The following LGSN variants were observed in gnomAD, a reference collection of about 807,000 sequenced individuals.
LGSN encodes lengsin.
LGSN carries 21 observed loss-of-function variants against 19.5 expected under a neutral mutation model. That is an observed-to-expected ratio of 1.07 (90% CI 0.76 to 1.55). The LOEUF (loss-of-function observed/expected upper bound fraction) is 1.55. Ranked by LOEUF, LGSN falls within the 40% of genes most tolerant of loss-of-function variation. The probability of loss-of-function intolerance (pLI) is 0.00; values close to 1 mark genes in which losing one functional copy is unlikely to be tolerated. For synonymous variants in LGSN, 257 were observed against 215.6 expected (o/e 1.19, Z -1.68); for missense variants, 673 against 608.5 (o/e 1.11, Z -1.12).
chr6:63,479,325 T>C, the LGSN span, among the ~76,000 whole-genome samples: 1 of 151,996 alleles, frequency 6.6e-6, no homozygotes, highest in Non-Finnish European at 1.5e-5. Context: ...CTATAATTTT[T>C]CTGGCCTATC....
At chr6:63,518,169 A>G in the LGSN span, among the ~76,000 whole-genome samples, 1 of 152,018 alleles carries the variant, frequency 6.6e-6, no homozygotes, top group African/African-American at 2.4e-5. Flanking sequence ...AAAAAAAAAA[A>G]AAAAATCTCA....
the LGSN span, chr6:63,548,789 A>G: frequency 8.3e-6 from 6 of 726,780 alleles, no homozygotes; most frequent in Non-Finnish European, 1.5e-5. Context: ...GACCCAGGAC[A>G]TTGCCTCCCC....
chr6:63,405,507 GTGAGATGGTATCTCATTGCAGTTT>G, the LGSN span, among the ~76,000 whole-genome samples: 1 of 152,184 alleles, frequency 6.6e-6, no homozygotes, highest in African/African-American at 2.4e-5. Flanking sequence ...TCTAACTGGT[GTGAGATGGTATCTCATTGCAGTTT>G]TGATTTGCAT....
the LGSN span, among the ~76,000 whole-genome samples, chr6:63,525,538 C>T: frequency 6.6e-6 from 1 of 152,224 alleles, no homozygotes; most frequent in African/African-American, 2.4e-5. Context: ...GTTCATGCCA[C>T]TCTCTCAGAG....
the LGSN span, among the ~76,000 whole-genome samples, chr6:63,378,140 A>T: frequency 7.8e-3 from 1,183 of 152,172 alleles, 13 homozygotes; most frequent in African/African-American, 0.026. Flanking sequence ...TGACCAAGGA[A>T]CTGAAAGAAT....
chr6:63,556,035 A>T, the LGSN span, among the ~76,000 whole-genome samples: 1 of 152,090 alleles, frequency 6.6e-6, no homozygotes, highest in Non-Finnish European at 1.5e-5. Flanking sequence ...GGTATAACAC[A>T]ATAAAGACAA....
chr6:63,410,632 G>A, the LGSN span, among the ~76,000 whole-genome samples: 1 of 152,216 alleles, frequency 6.6e-6, no homozygotes. Flanking sequence ...ACTAAAGCCA[G>A]TATTGGCTCT....
At chr6:63,289,981 G>A (rs1257965421) in intron 2 of LGSN, among the ~76,000 whole-genome samples, 1 of 151,896 alleles carries the variant, frequency 6.6e-6, no homozygotes, top group Non-Finnish European at 1.5e-5. Context: ...GAAAGCCCAG[G>A]TGGCAGAATA....
At chr6:63,353,180 T>C in the LGSN span, among the ~76,000 whole-genome samples, 2 of 152,108 alleles carry the variant, frequency 1.3e-5, no homozygotes, top group African/African-American at 4.8e-5. Context: ...AGAGTAGCTT[T>C]AGAGGCAAGC....
chr6:63,551,924 T>G, the LGSN span, among the ~76,000 whole-genome samples: 4,409 of 151,834 alleles, frequency 0.029, 110 homozygotes, highest in African/African-American at 0.069. Context: ...TGCCACATTT[T>G]CTTAATCCAG....
chr6:63,493,017 C>T, the LGSN span, among the ~76,000 whole-genome samples: 121 of 152,296 alleles, frequency 7.9e-4, 1 homozygote, highest in Non-Finnish European at 1.4e-3. Context: ...ATGTGAACAC[C>T]ATTGGTACTC....
the LGSN span, among the ~76,000 whole-genome samples, chr6:63,546,372 G>A: frequency 1.3e-5 from 2 of 152,120 alleles, no homozygotes; most frequent in Non-Finnish European, 2.9e-5. Context: ...GGTTGCCAGG[G>A]GCTGAGGCTT....
chr6:63,420,497 T>C, the LGSN span, among the ~76,000 whole-genome samples: 1 of 152,240 alleles, frequency 6.6e-6, no homozygotes, highest in South Asian at 2.1e-4. Flanking sequence ...CTCTAACACC[T>C]GTAAGTTCAG....
At chr6:63,391,966 A>G in the LGSN span, among the ~76,000 whole-genome samples, 1 of 152,206 alleles carries the variant, frequency 6.6e-6, no homozygotes, top group East Asian at 1.9e-4. Flanking sequence ...ATGATATGAA[A>G]GTTTATTTTT....
At chr6:63,350,472 A>G in the LGSN span, among the ~76,000 whole-genome samples, 448 of 152,352 alleles carry the variant, frequency 2.9e-3, 2 homozygotes, top group African/African-American at 0.01. Context: ...GGTTGTGAAG[A>G]TTTAAAATTT....
At chr6:63,521,052 G>T in the LGSN span, among the ~76,000 whole-genome samples, 2 of 152,016 alleles carry the variant, frequency 1.3e-5, no homozygotes, top group African/African-American at 4.8e-5. Context: ...ATGGACACAG[G>T]GAGGTGAACA....
At chr6:63,564,665 C>A in the LGSN span, among the ~76,000 whole-genome samples, 1 of 152,194 alleles carries the variant, frequency 6.6e-6, no homozygotes, top group African/African-American at 2.4e-5. Context: ...CATTCCCTTT[C>A]TCTAGCCAGA....
At chr6:63,308,626 A>C (rs1205025472) in intron 1 of LGSN, among the ~76,000 whole-genome samples, 1 of 151,698 alleles carries the variant, frequency 6.6e-6, no homozygotes, top group Non-Finnish European at 1.5e-5. Context: ...AAAAAAAAAA[A>C]CTTTTTTTGA....
the LGSN span, among the ~76,000 whole-genome samples, chr6:63,341,510 A>T: frequency 6.6e-6 from 1 of 152,060 alleles, no homozygotes; most frequent in African/African-American, 2.4e-5. Context: ...CAGCCCCAGG[A>T]AGGTAGCTCC....
Sources: gnomAD v4.1 joint callset for allele counts (sites outside exome capture counted in the v4.1 genomes callset) on GRCh38, gnomAD v4.1.1 for gene constraint, MANE v1.5 for transcripts, NCBI Gene and HGNC (gene_info 2026-07-23, HGNC 2026-07-21) for gene names.